Variants in ASTN2 observed in about 807,000 individuals in gnomAD.
ASTN2 encodes the protein astrotactin 2, also known as astrotactin-2.
Under a neutral mutation model 139.8 loss-of-function variants are expected in ASTN2, and 54 were observed. The observed-to-expected ratio is 0.39, with a 90% CI of 0.31 to 0.48. The LOEUF (loss-of-function observed/expected upper bound fraction) is 0.48. ASTN2 is among the 20% of genes least tolerant of loss of function. ASTN2 has a pLI of 0.95. For synonymous variants in ASTN2, 756 were observed against 719.5 expected, an observed-to-expected ratio of 1.05 and a Z score of -0.81; for missense variants, 1,565 against 1,725.1, an observed-to-expected ratio of 0.91 and a Z score of 1.64.
intron 2 of ASTN2, among the ~76,000 whole-genome samples, chr9:117,241,738 T>C (rs1833213163): frequency 1.3e-5 from 2 of 152,246 alleles, no homozygotes; most frequent in South Asian, 4.1e-4. Context: ...AGCCCTGGGT[T>C]TGGGGACCAC....
chr9:117,385,861 G>A (rs1167536805), intron 1 of ASTN2, among the ~76,000 whole-genome samples: 1 of 152,290 alleles, frequency 6.6e-6, no homozygotes, highest in Non-Finnish European at 1.5e-5. Flanking sequence ...GCACCTAGGA[G>A]TTATATTTCA....
At chr9:116,631,825 T>C (rs1274260407) in intron 17 of ASTN2, among the ~76,000 whole-genome samples, 1 of 152,062 alleles carries the variant, frequency 6.6e-6, no homozygotes, top group Non-Finnish European at 1.5e-5. Context: ...TATCAAAATA[T>C]CACATGTAGG....
At chr9:116,987,015 T>C (rs960209750) in intron 7 of ASTN2, among the ~76,000 whole-genome samples, 3 of 152,210 alleles carry the variant, frequency 2.0e-5, no homozygotes, top group African/African-American at 7.2e-5. Context: ...AAGCAGTCCC[T>C]GGAAACTGCC....
intron 1 of ASTN2, among the ~76,000 whole-genome samples, chr9:117,357,115 C>G (rs1829561086): frequency 6.6e-6 from 1 of 152,144 alleles, no homozygotes; most frequent in African/African-American, 2.4e-5. Flanking sequence ...CCAAGGCTGA[C>G]TTACCCATCA....
At chr9:117,054,165 T>A (rs1188790768) in intron 5 of ASTN2, among the ~76,000 whole-genome samples, 6 of 152,184 alleles carry the variant, frequency 3.9e-5, no homozygotes, top group African/African-American at 1.2e-4. Context: ...TTTAAATATG[T>A]CACTTCCAAA....
chr9:117,078,479 T>C (rs1828337538), intron 5 of ASTN2, among the ~76,000 whole-genome samples: 3 of 152,106 alleles, frequency 2.0e-5, no homozygotes, highest in African/African-American at 7.2e-5. Flanking sequence ...GGTTAAAAAA[T>C]AAAAACAAAA....
At chr9:116,936,930 T>C (rs1201281327) in intron 10 of ASTN2, among the ~76,000 whole-genome samples, 5 of 152,152 alleles carry the variant, frequency 3.3e-5, no homozygotes, top group Non-Finnish European at 7.4e-5. Context: ...TGAGAGCACA[T>C]TGATGGGAAA....
intron 4 of ASTN2, among the ~76,000 whole-genome samples, chr9:117,118,510 T>G (rs898245517): frequency 6.6e-6 from 1 of 152,214 alleles, no homozygotes; most frequent in Non-Finnish European, 1.5e-5. Flanking sequence ...AAAATGGGCT[T>G]TCTGACACTC....
At chr9:116,671,121 T>A (rs1353443560) in intron 16 of ASTN2, among the ~76,000 whole-genome samples, 1 of 152,162 alleles carries the variant, frequency 6.6e-6, no homozygotes, top group Non-Finnish European at 1.5e-5. Context: ...TTCAAACATT[T>A]TTCATATTAA....
At chr9:116,607,629 A>C (rs1168032700) in intron 19 of ASTN2, among the ~76,000 whole-genome samples, 1 of 151,300 alleles carries the variant, frequency 6.6e-6, no homozygotes, top group African/African-American at 2.4e-5. Flanking sequence ...AATAACAAGG[A>C]CTGGATTTAT....
chr9:116,591,206 T>C (rs1214803482), intron 19 of ASTN2, among the ~76,000 whole-genome samples: 1 of 152,172 alleles, frequency 6.6e-6, no homozygotes, highest in African/African-American at 2.4e-5. Context: ...ACGCCCTCTT[T>C]GGGGCTCTGG....
rs116973795 is a variant in ASTN2, at chr9:116,954,850, C to A, written c.1889+20358G>T. Among the ~76,000 whole-genome samples, 44 of 152,304 alleles carry A rather than the reference C, an allele frequency of 2.9e-4. No individual in the cohort carries two copies. The East Asian group carries it at 6.9e-3, about 24-fold the overall frequency. On this transcript the variant is annotated intron_variant, in intron 10 of 22. Coordinates refer to ENST00000313400, the MANE Select transcript of ASTN2 (RefSeq NM_001365068.1). ...CAGTAGCATGAGCATCCCTTAGGAACTTGTTAGACATTCAAATCTGTAGGC... is the reference window on the plus strand; with the variant it reads ...CAGTAGCATGAGCATCCCTTAGGAAATTGTTAGACATTCAAATCTGTAGGC...
chr9:117,370,095 A>G (rs1829950174), intron 1 of ASTN2, among the ~76,000 whole-genome samples: 1 of 152,172 alleles, frequency 6.6e-6, no homozygotes, highest in Admixed American at 6.5e-5. Flanking sequence ...AAGCCCATGA[A>G]TGATTATGAA....
At chr9:116,461,809 A>G (rs141413046) in intron 20 of ASTN2, among the ~76,000 whole-genome samples, 364 of 152,284 alleles carry the variant, frequency 2.4e-3, no homozygotes, top group African/African-American at 8.2e-3. Context: ...TATGTTATGC[A>G]CTAAAGTTTT....
chr9:117,340,980 C>T (rs773364425), intron 1 of ASTN2, among the ~76,000 whole-genome samples: 5 of 152,140 alleles, frequency 3.3e-5, no homozygotes, highest in African/African-American at 9.7e-5. Flanking sequence ...TAGGAGGAGG[C>T]CCTGCTCTTA....
At chr9:116,903,102 TTCC>T (rs1349037790) in intron 10 of ASTN2, among the ~76,000 whole-genome samples, 2 of 152,082 alleles carry the variant, frequency 1.3e-5, no homozygotes, top group Non-Finnish European at 1.5e-5. Context: ...TCCTCTTCAC[TTCC>T]TCCTCCTCCT....
rs190170575 is a variant in ASTN2, at chr9:116,685,984, G to A, written c.2807-34191C>T. 8.6e-5 allele frequency among the ~76,000 whole-genome samples: 13 copies of A among 151,956 alleles called. No individual in the cohort carries two copies. In the East Asian group the frequency reaches 2.1e-3, roughly 25 times the overall value. On this transcript the variant is annotated intron_variant, in intron 16 of 22. Transcript: ENST00000313400. ...TTCAGGAAAAAAAAAAATTTTAAAC[G>A]GGTGCAAAGTCTCCCCAACTGGTCT...
chr9:116,833,838 A>G (rs1831898936), intron 11 of ASTN2, among the ~76,000 whole-genome samples: 1 of 152,188 alleles, frequency 6.6e-6, no homozygotes. Flanking sequence ...AGCCTTGGGG[A>G]CGTGATTAGG....
At chr9:116,899,456 C>T (rs1168182547) in intron 10 of ASTN2, among the ~76,000 whole-genome samples, 4 of 152,112 alleles carry the variant, frequency 2.6e-5, no homozygotes, top group African/African-American at 9.7e-5. Context: ...AATAAATTTC[C>T]TCCCCACAAA....
Sources: gnomAD v4.1 joint callset for allele counts (sites outside exome capture counted in the v4.1 genomes callset) on GRCh38, gnomAD v4.1.1 for gene constraint, MANE v1.5 for transcripts, NCBI Gene and HGNC (gene_info 2026-07-23, HGNC 2026-07-21) for gene names.